Variants in FSTL5 observed in about 807,000 individuals in gnomAD.
FSTL5 encodes the protein follistatin-related protein 5.
FSTL5 carries 62 observed loss-of-function variants against 89.1 expected under a neutral mutation model. The ratio of observed to expected loss-of-function variants is 0.70; its 90% CI spans 0.57 to 0.86. FSTL5 has a LOEUF of 0.86. Among genes scored for constraint, FSTL5 ranks in the 40% least tolerant of loss-of-function variants. The pLI is 0.00. For synonymous variants in FSTL5, 383 were observed against 346.2 expected, an observed-to-expected ratio of 1.11 and a Z score of -1.18; for missense variants, 1,057 against 1,001.6, an observed-to-expected ratio of 1.06 and a Z score of -0.75.
At chr4:161,992,968 GTATA>G in intron 3 of FSTL5, among the ~76,000 whole-genome samples, 1 of 107,676 alleles carries the variant, frequency 9.3e-6, no homozygotes. Flanking sequence ...ATATATGTGT[GTATA>G]TATATATATG....
intron 2 of FSTL5, among the ~76,000 whole-genome samples, chr4:162,100,376 C>T (rs543136451): frequency 8.5e-5 from 13 of 152,112 alleles, no homozygotes; most frequent in East Asian, 1.9e-4. Context: ...CTGGCTAACA[C>T]GGTGAAACCC....
At chr4:161,689,161 C>T (rs1189032441) in intron 6 of FSTL5, among the ~76,000 whole-genome samples, 2 of 152,112 alleles carry the variant, frequency 1.3e-5, no homozygotes, top group Non-Finnish European at 2.9e-5. Context: ...GAAACGTTTG[C>T]TTAAGAAAGC....
At position 161,861,344 on chromosome 4, in the gene FSTL5, C is replaced by G. The variant is rs147743570; in HGVS notation, c.409+59060G>C. Among the ~76,000 whole-genome samples, 1,255 of 152,156 alleles carry G rather than the reference C, an allele frequency of 8.2e-3. 17 individuals are homozygous for G. Among genetic ancestry groups the G allele is most frequent in the African/African-American group, 0.028 (1,182 of 41,498 alleles). ...GGCTGAGGCAGGGGTATCGTTTGAA[C>G]CCGGGAGGCAGAGGTGGCAGTGAGC... is the stretch of plus-strand genomic sequence containing the variant. On this transcript the variant is annotated intron_variant, in intron 4 of 15. Transcript: ENST00000306100.
intron 4 of FSTL5, among the ~76,000 whole-genome samples, chr4:161,820,042 G>A (rs12644361): frequency 0.035 from 5,247 of 151,752 alleles, 174 homozygotes; most frequent in East Asian, 0.15. Flanking sequence ...AAGTTTTTAC[G>A]TGGAAAACAT....
At chr4:161,570,155 T>C (rs753736436) in intron 8 of FSTL5, among the ~76,000 whole-genome samples, 2 of 152,090 alleles carry the variant, frequency 1.3e-5, no homozygotes, top group Admixed American at 6.6e-5. Context: ...TGCAGTTTTG[T>C]AGAAGGTGAA....
chr4:161,644,275 C>T (rs1423809128), intron 7 of FSTL5, among the ~76,000 whole-genome samples: 1 of 151,952 alleles, frequency 6.6e-6, no homozygotes, highest in East Asian at 1.9e-4. Flanking sequence ...GCCTGTAATC[C>T]CAGCACTTTG....
rs373007516 is a variant in FSTL5, at chr4:161,963,130, C to A, written c.161-42478G>T. Among the ~76,000 whole-genome samples, 35 of 151,930 alleles carry A rather than the reference C, an allele frequency of 2.3e-4. No homozygotes were observed. The South Asian group carries it at 5.2e-3, about 23-fold the overall frequency. On this transcript the variant is annotated intron_variant, in intron 3 of 15. Transcript: ENST00000306100. ...GTAAGTTAAATACTATGCAAAACAC[C>A]TGGCAAAATAAGAATACCATGGAAA...
chr4:162,060,250 A>G (rs1268310175), intron 2 of FSTL5, among the ~76,000 whole-genome samples: 4 of 152,126 alleles, frequency 2.6e-5, no homozygotes, highest in Non-Finnish European at 4.4e-5. Flanking sequence ...ATATTATTGT[A>G]AAATTTTAGA....
chr4:161,980,612 T>C (rs1735798640), intron 3 of FSTL5, among the ~76,000 whole-genome samples: 1 of 152,066 alleles, frequency 6.6e-6, no homozygotes, highest in African/African-American at 2.4e-5. Flanking sequence ...GTCTATATCA[T>C]ATAGAAATTA....
chr4:162,160,736 T>C (rs1013324472), intron 1 of FSTL5, among the ~76,000 whole-genome samples: 1 of 151,008 alleles, frequency 6.6e-6, no homozygotes, highest in Non-Finnish European at 1.5e-5. Flanking sequence ...TTTTAAAAGG[T>C]ATTTTTATTT....
At chr4:162,144,546 A>G (rs923671899) in intron 1 of FSTL5, among the ~76,000 whole-genome samples, 1 of 152,132 alleles carries the variant, frequency 6.6e-6, no homozygotes, top group Admixed American at 6.6e-5. Flanking sequence ...ACTCAACTTA[A>G]TATTTTAAAC....
intron 7 of FSTL5, among the ~76,000 whole-genome samples, chr4:161,606,240 A>AT (rs71598720): frequency 0.034 from 4,028 of 117,722 alleles, 190 homozygotes; most frequent in African/African-American, 0.079. Flanking sequence ...ATTATCTGTG[A>AT]TTTTTTTTTT....
At chr4:161,912,798 G>A (rs189122632) in intron 4 of FSTL5, among the ~76,000 whole-genome samples, 9 of 152,242 alleles carry the variant, frequency 5.9e-5, no homozygotes, top group African/African-American at 2.2e-4. Flanking sequence ...GGAAAGTTTG[G>A]AAACTCCTAG....
At chr4:161,626,977 C>G (rs572939989) in intron 7 of FSTL5, among the ~76,000 whole-genome samples, 2 of 149,772 alleles carry the variant, frequency 1.3e-5, no homozygotes, top group South Asian at 4.1e-4. Context: ...GATGAGCAAA[C>G]AAAGAGGTTT....
At chr4:161,602,833 G>T (rs923660509) in intron 7 of FSTL5, among the ~76,000 whole-genome samples, 2 of 152,228 alleles carry the variant, frequency 1.3e-5, no homozygotes, top group East Asian at 3.9e-4. Context: ...TGTAGTATCA[G>T]AGAAAATCAA....
At chr4:161,482,055 T>C (rs1194521556) in intron 12 of FSTL5, among the ~76,000 whole-genome samples, 1 of 152,150 alleles carries the variant, frequency 6.6e-6, no homozygotes, top group Non-Finnish European at 1.5e-5. Context: ...GCGTGGTGGC[T>C]CACGCCTGTA....
intron 4 of FSTL5, among the ~76,000 whole-genome samples, chr4:161,836,483 A>G (rs1012922081): frequency 6.7e-6 from 1 of 148,912 alleles, no homozygotes; most frequent in Non-Finnish European, 1.5e-5. Flanking sequence ...AAAAGAAAAG[A>G]AAAAAAAAAG....
chr4:161,500,796 T>C (rs528474329), intron 11 of FSTL5, among the ~76,000 whole-genome samples: 1 of 152,290 alleles, frequency 6.6e-6, no homozygotes, highest in South Asian at 2.1e-4. Context: ...GATCTGGATG[T>C]GTGGTGTCTC....
At chr4:161,468,209 G>C (rs1733811858) in intron 13 of FSTL5, among the ~76,000 whole-genome samples, 1 of 150,986 alleles carries the variant, frequency 6.6e-6, no homozygotes, top group Admixed American at 6.6e-5. Flanking sequence ...ACATACTACT[G>C]CCTCTGTGTT....
Sources: gnomAD v4.1 joint callset for allele counts (sites outside exome capture counted in the v4.1 genomes callset) on GRCh38, gnomAD v4.1.1 for gene constraint, MANE v1.5 for transcripts, NCBI Gene and HGNC (gene_info 2026-07-23, HGNC 2026-07-21) for gene names.